The following SOX6 variants were observed in gnomAD, a reference collection of about 807,000 sequenced individuals.
The protein encoded by SOX6 is SRY-box transcription factor 6.
In SOX6, 11 loss-of-function variants were observed where a neutral mutation model predicts 97.8. That is an observed-to-expected ratio of 0.11 (90% confidence interval 0.07 to 0.19). The LOEUF (loss-of-function observed/expected upper bound fraction) is 0.19, where lower values mean the gene tolerates loss of function less well. SOX6 is among the 10% of genes least tolerant of loss of function. The pLI is 1.00. For missense variants in SOX6, 810 were observed against 1,039.5 expected, an observed-to-expected ratio of 0.78 and a Z score of 3.04; for synonymous variants, 360 against 371.4, an observed-to-expected ratio of 0.97 and a Z score of 0.35.
chr11:16,144,354 G>A (rs1474965417), intron 6 of SOX6, among the ~76,000 whole-genome samples: 2 of 152,196 alleles, frequency 1.3e-5, no homozygotes, highest in Non-Finnish European at 2.9e-5. Flanking sequence ...TTAAAGCAGT[G>A]TGTAGAGGGA....
intron 3 of SOX6, among the ~76,000 whole-genome samples, chr11:16,709,501 T>C (rs990882091): frequency 6.6e-6 from 1 of 151,184 alleles, no homozygotes; most frequent in Non-Finnish European, 1.5e-5. Context: ...CTGGGAAACA[T>C]AGCAAGACTG....
intron 9 of SOX6, among the ~76,000 whole-genome samples, chr11:16,056,240 T>C (rs1279112240): frequency 2.6e-5 from 4 of 152,140 alleles, no homozygotes; most frequent in African/African-American, 7.2e-5. Context: ...AAATCTTTAT[T>C]AAAAGTTATT....
upstream of SOX6, chr11:16,476,535 T>C (rs1051392988): frequency 6.6e-6 from 1 of 152,192 alleles, no homozygotes; most frequent in Non-Finnish European, 1.5e-5. Context: ...TTTTCCAAAA[T>C]GATAATGCCA....
Position 16,356,273 on chromosome 11 carries a change from C to T in SOX6, c.-184G>A, listed in dbSNP as rs146688356. Among the ~76,000 whole-genome samples the T allele has an allele frequency of 6.7e-6, 1 of 150,158 alleles. No individual in the cohort carries two copies. The highest frequency in any genetic ancestry group is 2.4e-5 in the African/African-American group (1 of 41,048). ...TAATTAATCTCTGCCAAGTCTCAGG[C>T]TACCAATTGTAGCCATAACTTTAAG... On this transcript the variant is annotated 5_prime_UTR_variant, in exon 1 of 16. Transcript: ENST00000683767.
intron 3 of SOX6, among the ~76,000 whole-genome samples, chr11:16,245,742 T>C (rs1170148895): frequency 6.6e-6 from 1 of 151,644 alleles, no homozygotes; most frequent in Admixed American, 6.6e-5. Flanking sequence ...TTTATATTAA[T>C]ATAGCCTTTT....
intron 1 of SOX6, among the ~76,000 whole-genome samples, chr11:16,377,928 C>T (rs954884500): frequency 1.3e-4 from 20 of 152,068 alleles, no homozygotes; most frequent in Admixed American, 1.2e-3. Context: ...AACTGTTGGG[C>T]GGAGCATAAA....
intron 4 of SOX6, among the ~76,000 whole-genome samples, chr11:16,509,346 T>C (rs879834511): frequency 6.6e-6 from 1 of 152,028 alleles, no homozygotes; most frequent in African/African-American, 2.4e-5. Context: ...ATTTATACTA[T>C]GCACAGTTAA....
chr11:16,703,942 C>G (rs1044326394), intron 3 of SOX6, among the ~76,000 whole-genome samples: 1 of 152,144 alleles, frequency 6.6e-6, no homozygotes, highest in African/African-American at 2.4e-5. Context: ...TCCATCTAAC[C>G]TTTCACTTTT....
intron 15 of SOX6, among the ~76,000 whole-genome samples, chr11:15,982,794 A>G (rs929390970): frequency 2.6e-5 from 4 of 152,018 alleles, no homozygotes; most frequent in African/African-American, 9.7e-5. Flanking sequence ...TTGATCCACA[A>G]TTGGTTGAAT....
At chr11:16,399,894 T>C (rs1858499195) in intron 1 of SOX6, among the ~76,000 whole-genome samples, 1 of 151,398 alleles carries the variant, frequency 6.6e-6, no homozygotes, top group Non-Finnish European at 1.5e-5. Flanking sequence ...GGCTAACATG[T>C]ACATGTTCAA....
At chr11:16,135,565 G>A (rs1046934329) in intron 6 of SOX6, among the ~76,000 whole-genome samples, 2 of 152,142 alleles carry the variant, frequency 1.3e-5, no homozygotes, top group African/African-American at 4.8e-5. Flanking sequence ...CAGATATGGT[G>A]GAAACAGTAA....
intron 4 of SOX6, among the ~76,000 whole-genome samples, chr11:16,532,095 G>A (rs1324293766): frequency 6.6e-6 from 1 of 151,740 alleles, no homozygotes; most frequent in African/African-American, 2.4e-5. Flanking sequence ...TTTCCTATAT[G>A]TGGTATTCTT....
At chr11:16,539,272 G>A (rs1861363003) in intron 4 of SOX6, among the ~76,000 whole-genome samples, 1 of 152,160 alleles carries the variant, frequency 6.6e-6, no homozygotes, top group Admixed American at 6.6e-5. Context: ...TGAAACCAAT[G>A]AGAACAAAGA....
At chr11:16,076,734 C>CTT (rs1564941216) in intron 9 of SOX6, among the ~76,000 whole-genome samples, 1 of 120,186 alleles carries the variant, frequency 8.3e-6, no homozygotes, top group African/African-American at 3.6e-5. Context: ...AGGTACTACA[C>CTT]ATTTTTTTTT....
chr11:16,560,442 T>TATGTTTATACGTAC (rs1847797086), intron 4 of SOX6, among the ~76,000 whole-genome samples: 1 of 132,486 alleles, frequency 7.5e-6, no homozygotes, highest in Non-Finnish European at 1.8e-5. Context: ...TACGTACATA[T>TATGTTTATACGTAC]ATGTTTATAC....
chr11:16,518,452 C>T (rs890173369), intron 4 of SOX6, among the ~76,000 whole-genome samples: 1 of 152,090 alleles, frequency 6.6e-6, no homozygotes, highest in African/African-American at 2.4e-5. Flanking sequence ...ACAAGTTTTG[C>T]TTTATATTAC....
At chr11:16,706,855 G>A (rs1273458369) in intron 3 of SOX6, among the ~76,000 whole-genome samples, 1 of 151,302 alleles carries the variant, frequency 6.6e-6, no homozygotes, top group East Asian at 1.9e-4. Flanking sequence ...AATTATTCTA[G>A]GCAAAAATTC....
chr11:16,408,419 TG>T (rs1858728894), intron 1 of SOX6, among the ~76,000 whole-genome samples: 1 of 132,490 alleles, frequency 7.5e-6, no homozygotes, highest in African/African-American at 2.6e-5. Flanking sequence ...TCCATTCACC[TG>T]ATTCTATCAT....
rs185127179 is a variant in SOX6 at position 16,606,353 on chromosome 11, C to G, written n.609+5728G>C. Among the ~76,000 whole-genome samples, 1,187 of 151,984 alleles carry G rather than the reference C, an allele frequency of 7.8e-3. 13 individuals carry two copies. The highest frequency in any genetic ancestry group is 0.027 in the African/African-American group (1,132 of 41,424). On this transcript the variant is annotated intron_variant and non_coding_transcript_variant, in intron 4 of 5. Coordinates refer to the SOX6 transcript ENST00000524520. ...AAGCCTGCGGCGGTAACAAGAGATA[C>G]AGCGCTCACAAAGCCCTCGGGATGT...
Sources: allele counts gnomAD v4.1 joint callset (sites outside exome capture counted in the v4.1 genomes callset), GRCh38; gene constraint gnomAD v4.1.1; transcripts MANE v1.5; gene names NCBI Gene and HGNC (gene_info 2026-07-23, HGNC 2026-07-21).